Variants in CEP63 observed in about 807,000 individuals in gnomAD.
CEP63 encodes centrosomal protein 63.
In CEP63, 84 loss-of-function variants were observed where a neutral mutation model predicts 89.1. That is an observed-to-expected ratio of 0.94 (90% CI 0.79 to 1.13). The LOEUF is 1.13. Among genes scored for constraint, CEP63 ranks in the 50% most tolerant of loss-of-function variants. The pLI is 0.00. For missense variants in CEP63, 838 were observed against 813.3 expected (o/e 1.03, Z -0.37); for synonymous variants, 267 against 272.5 (o/e 0.98, Z 0.20).
At chr3:134,686,822 C>T in the CEP63 span, among the ~76,000 whole-genome samples, 190 of 152,210 alleles carry the variant, frequency 1.2e-3, 2 homozygotes, top group Non-Finnish European at 1.6e-3. Context: ...ATTTTAGGGA[C>T]GGAGAAACTG....
chr3:134,740,604 C>A, the CEP63 span, among the ~76,000 whole-genome samples: 1 of 152,114 alleles, frequency 6.6e-6, no homozygotes, highest in African/African-American at 2.4e-5. Flanking sequence ...GCCTCTTTCT[C>A]TTCTTTCCTG....
intron 14 of CEP63, among the ~76,000 whole-genome samples, chr3:134,559,664 C>T (rs557492145): frequency 6.6e-5 from 10 of 152,252 alleles, no homozygotes; most frequent in Admixed American, 4.6e-4. Flanking sequence ...GTCTTTAACC[C>T]TTATTGGAAA....
At chr3:134,551,146 T>C (rs754678644) in intron 11 of CEP63, among the ~76,000 whole-genome samples, 13 of 152,128 alleles carry the variant, frequency 8.5e-5, no homozygotes, top group Middle Eastern at 3.2e-3. Context: ...GTTTGACACA[T>C]TTGTTTGGAA....
chr3:134,659,297 C>T, the CEP63 span, among the ~76,000 whole-genome samples: 1 of 152,210 alleles, frequency 6.6e-6, no homozygotes, highest in Admixed American at 6.5e-5. Context: ...ATTCCTCGAT[C>T]CGCCCCTCTC....
chr3:134,567,394 T>TA (rs1957819271), downstream of CEP63, among the ~76,000 whole-genome samples: 2 of 136,338 alleles, frequency 1.5e-5, no homozygotes, highest in South Asian at 4.9e-4. Context: ...ATATAACAAC[T>TA]AAAAACAACT....
the CEP63 span, among the ~76,000 whole-genome samples, chr3:134,616,120 C>T: frequency 3.9e-5 from 6 of 152,168 alleles, no homozygotes; most frequent in Admixed American, 3.9e-4. Context: ...TAGGCAGAAT[C>T]AACTAAGGAT....
the CEP63 span, among the ~76,000 whole-genome samples, chr3:134,689,046 A>G: frequency 1.8e-4 from 28 of 152,182 alleles, no homozygotes; most frequent in Non-Finnish European, 3.7e-4. Context: ...GTGTTTAGTG[A>G]TGGTTGGGCA....
the CEP63 span, among the ~76,000 whole-genome samples, chr3:134,681,557 T>A: frequency 6.6e-6 from 1 of 152,282 alleles, no homozygotes; most frequent in East Asian, 1.9e-4. Flanking sequence ...CGACTGTTTG[T>A]TAGTGGAAGG....
chr3:134,566,896 C>A (rs951025470), downstream of CEP63, among the ~76,000 whole-genome samples: 1 of 152,112 alleles, frequency 6.6e-6, no homozygotes, highest in Non-Finnish European at 1.5e-5. Flanking sequence ...TACCATATTA[C>A]CCAGCAATAC....
At chr3:134,560,367 C>G (rs1957132653) in intron 14 of CEP63, among the ~76,000 whole-genome samples, 1 of 152,180 alleles carries the variant, frequency 6.6e-6, no homozygotes, top group Non-Finnish European at 1.5e-5. Flanking sequence ...CTGTAACTCC[C>G]AAATCAGTAT....
chr3:134,528,155 G>A (rs1432769925), intron 3 of CEP63, among the ~76,000 whole-genome samples: 1 of 152,152 alleles, frequency 6.6e-6, no homozygotes, highest in Non-Finnish European at 1.5e-5. Context: ...CCAGGAATGA[G>A]TCCAGGTGCG....
intron 1 of CEP63, among the ~76,000 whole-genome samples, chr3:134,494,110 A>G (rs945712206): frequency 6.7e-6 from 1 of 149,074 alleles, no homozygotes; most frequent in Admixed American, 6.7e-5. Flanking sequence ...TTATTTATTT[A>G]TTTATTTATT....
At chr3:134,486,876 G>A (rs946447248) in intron 1 of CEP63, among the ~76,000 whole-genome samples, 1 of 152,182 alleles carries the variant, frequency 6.6e-6, no homozygotes, top group African/African-American at 2.4e-5. Context: ...AAATAAGGAC[G>A]GTTTCTTAGG....
intron 6 of CEP63, among the ~76,000 whole-genome samples, chr3:134,542,044 A>G (rs1009246255): frequency 6.6e-6 from 1 of 152,202 alleles, no homozygotes; most frequent in African/African-American, 2.4e-5. Context: ...AGGAAATCTT[A>G]GAGAACAGTA....
rs538378424 is a variant in CEP63 at position 134,494,338 on chromosome 3, ACTC to A, written c.-25-955_-25-953del. Among the ~76,000 whole-genome samples the A allele has an allele frequency of 4.4e-4, 66 of 150,492 alleles. 1 individual carries two copies. In the South Asian group the frequency reaches 6.3e-3, roughly 14 times the overall value. ...ACCATGTTGGCCAGGCTGGTCTCAA[ACTC>A]CTGACCTCAGGTGATCCGCCTCCCT... On this transcript the variant is annotated intron_variant, in intron 1 of 14. Coordinates refer to ENST00000675561, the MANE Select transcript of CEP63 (RefSeq NM_001353108.3).
chr3:134,516,685 C>T (rs945292139), intron 3 of CEP63, among the ~76,000 whole-genome samples: 1 of 152,192 alleles, frequency 6.6e-6, no homozygotes, highest in Admixed American at 6.5e-5. Flanking sequence ...TTTAACAAAA[C>T]ACATCTTGCA....
intron 3 of CEP63, among the ~76,000 whole-genome samples, chr3:134,515,373 A>G (rs1181379208): frequency 6.6e-6 from 1 of 152,238 alleles, no homozygotes; most frequent in Admixed American, 6.5e-5. Flanking sequence ...CTTAATTAAA[A>G]GAAAAACTGT....
At chr3:134,565,061 C>A, downstream of CEP63, 1 of 730,748 alleles carries the variant, frequency 1.4e-6, no homozygotes, top group African/African-American at 1.9e-5. Context: ...ACACATTTTC[C>A]AAAATCTGTC....
the CEP63 span, among the ~76,000 whole-genome samples, chr3:134,659,293 C>T: frequency 2.0e-5 from 3 of 152,158 alleles, no homozygotes; most frequent in South Asian, 2.1e-4. Flanking sequence ...GCATATTCCT[C>T]GATCCGCCCC....
Sources: gnomAD v4.1 joint callset for allele counts (sites outside exome capture counted in the v4.1 genomes callset) on GRCh38, gnomAD v4.1.1 for gene constraint, MANE v1.5 for transcripts, NCBI Gene and HGNC (gene_info 2026-07-23, HGNC 2026-07-21) for gene names.